Variants in PDCD6IP observed in about 807,000 individuals in gnomAD.
PDCD6IP encodes the protein programmed cell death 6 interacting protein.
PDCD6IP carries 43 observed loss-of-function variants against 103.7 expected under a neutral mutation model. The observed-to-expected ratio is 0.41, with a 90% confidence interval of 0.32 to 0.53. The LOEUF (loss-of-function observed/expected upper bound fraction) is 0.53. Among genes scored for constraint, PDCD6IP ranks in the 20% least tolerant of loss-of-function variants. The pLI, the probability that PDCD6IP is intolerant of heterozygous loss-of-function variation, is 0.16. For synonymous variants in PDCD6IP, 354 were observed against 378.7 expected (o/e 0.93, Z 0.76); for missense variants, 871 against 1,036.7 (o/e 0.84, Z 2.20).
intron 2 of PDCD6IP, 85 bp downstream of exon 2, chr3:33,812,211 T>G (rs2125546541): frequency 6.7e-7 from 1 of 1,488,298 alleles, no homozygotes; most frequent in Non-Finnish European, 8.9e-7. Context: ...TAGAGTTTTA[T>G]GAGATAGTGT....
intron 2 of PDCD6IP, among the ~76,000 whole-genome samples, 186 bp downstream of exon 2, chr3:33,812,312 A>G (rs934583820): frequency 1.3e-5 from 2 of 152,210 alleles, no homozygotes; most frequent in Non-Finnish European, 2.9e-5. Context: ...GTCATTCTTC[A>G]GTCACTTCTG....
chr3:33,851,638 A>AT (rs930296269), intron 12 of PDCD6IP, among the ~76,000 whole-genome samples: 42 of 146,750 alleles, frequency 2.9e-4, no homozygotes, highest in Admixed American at 1.7e-3. Flanking sequence ...CACCCAACTA[A>AT]TTTTTTTTTT....
chr3:33,831,410 G>A (rs966800120), intron 7 of PDCD6IP, among the ~76,000 whole-genome samples: 19 of 152,186 alleles, frequency 1.2e-4, no homozygotes, highest in African/African-American at 4.6e-4. Context: ...TGTCATTATA[G>A]AATACTTGCT....
chr3:33,812,296 G>T (rs912886401), intron 2 of PDCD6IP, among the ~76,000 whole-genome samples, 170 bp downstream of exon 2: 1 of 152,168 alleles, frequency 6.6e-6, no homozygotes, highest in South Asian at 2.1e-4. Context: ...CTGGAATTCT[G>T]TTCATGTCAT....
chr3:33,844,052 T>A, intron 10 of PDCD6IP, 60 bp from the exon 11 acceptor site: 1 of 977,310 alleles, frequency 1.0e-6, no homozygotes, highest in Non-Finnish European at 1.6e-6. Context: ...ATTTATTAAA[T>A]GTATTAAAGT....
chr3:33,813,245 T>C (rs1559774143), intron 2 of PDCD6IP: 3 of 189,522 alleles, frequency 1.6e-5, no homozygotes, highest in Non-Finnish European at 3.2e-5. Flanking sequence ...TTTCCCTTGC[T>C]TCACTTAGCT....
At chr3:33,826,389 C>T (rs553600389) in intron 5 of PDCD6IP, 91 bp from the exon 6 acceptor site, 18 of 779,182 alleles carry the variant, frequency 2.3e-5, no homozygotes, top group Middle Eastern at 3.5e-4. Flanking sequence ...TTTTCAGATG[C>T]GTGTACAAAC....
chr3:33,842,677 T>C (rs1697501582), intron 10 of PDCD6IP, among the ~76,000 whole-genome samples: 1 of 152,158 alleles, frequency 6.6e-6, no homozygotes, highest in Admixed American at 6.5e-5. Context: ...TTTGCAAATT[T>C]AGTGTAGAAA....
At chr3:33,842,226 G>A in intron 10 of PDCD6IP, 152 bp downstream of exon 10, 1 of 524,218 alleles carries the variant, frequency 1.9e-6, no homozygotes, top group Non-Finnish European at 3.5e-6. Context: ...CTTCTCTTTA[G>A]CATAAGAGAA....
rs1248198737 is a variant in PDCD6IP, at chr3:33,798,817, C to T, written c.89C>T (p.Pro30Leu). Reference sequence around the variant, plus strand: ...GTGAAGTTCATCCAGCAGACTTACCCAAGCGGCGGGGAAGAGCAGGCCCAG... The same window carrying T: ...GTGAAGTTCATCCAGCAGACTTACCTAAGCGGCGGGGAAGAGCAGGCCCAG... ...PLVKFIQQTY[P>L]SGGEEQAQYC... Residue 30 changes from proline to leucine, a missense_variant, in exon 1 of 18, where the codon CCA becomes CTA. Transcript: ENST00000307296. The T allele has an allele frequency of 2.6e-6, 4 of 1,565,370 alleles. No individual in the cohort carries two copies. The highest frequency in any genetic ancestry group is 4.8e-5 in the East Asian group (2 of 41,680).
chr3:33,811,178 C>A, intron 1 of PDCD6IP: 1 of 286,424 alleles, frequency 3.5e-6, no homozygotes, highest in Non-Finnish European at 7.3e-6. Flanking sequence ...ATCTGCTGTG[C>A]CTGGCCCTTT....
At chr3:33,837,597 T>C (rs1470310670) in intron 8 of PDCD6IP, among the ~76,000 whole-genome samples, 1 of 152,018 alleles carries the variant, frequency 6.6e-6, no homozygotes, top group Non-Finnish European at 1.5e-5. Context: ...TCAATTTTTT[T>C]TTTTTTTTTG....
At chr3:33,829,157 T>G (rs1405384041) in intron 7 of PDCD6IP, among the ~76,000 whole-genome samples, 188 bp downstream of exon 7, 2 of 152,178 alleles carry the variant, frequency 1.3e-5, no homozygotes, top group Non-Finnish European at 2.9e-5. Flanking sequence ...ATCTAAAAAA[T>G]AGATGCAAAA....
intron 8 of PDCD6IP, 92 bp from the exon 9 acceptor site, chr3:33,838,112 A>C (rs1208945823): frequency 3.5e-6 from 2 of 578,220 alleles, no homozygotes; most frequent in South Asian, 2.9e-5. Flanking sequence ...TTTATAGACT[A>C]TGTGAATATT....
At chr3:33,801,076 A>G (rs1011109146) in intron 1 of PDCD6IP, among the ~76,000 whole-genome samples, 1 of 152,152 alleles carries the variant, frequency 6.6e-6, no homozygotes, top group African/African-American at 2.4e-5. Context: ...TAATTCAACA[A>G]ATATTAAGTA....
chr3:33,814,296 A>G (rs1203993145), intron 3 of PDCD6IP, among the ~76,000 whole-genome samples: 1 of 151,730 alleles, frequency 6.6e-6, no homozygotes, highest in Middle Eastern at 3.2e-3. Context: ...ACCCGCCACC[A>G]CACCTGGGTA....
intron 7 of PDCD6IP, among the ~76,000 whole-genome samples, chr3:33,830,644 G>A (rs887321920): frequency 2.0e-5 from 3 of 152,124 alleles, no homozygotes; most frequent in Non-Finnish European, 2.9e-5. Context: ...GGGAGGTTGA[G>A]GTGGGAGGAT....
In PDCD6IP at chr3:33,798,924, G is replaced by A; in HGVS notation, c.196G>A (p.Glu66Lys). 2 of 1,539,616 alleles carry A rather than the reference G, an allele frequency of 1.3e-6. No homozygotes were observed. The highest frequency in any genetic ancestry group is 1.8e-6 in the Non-Finnish European group (2 of 1,139,174). Residue 66 changes from glutamate to lysine, a missense_variant, in exon 1 of 18, where the codon GAG (glutamate) becomes AAG (lysine). Around this residue, in one of 5 missense-constraint regions of PDCD6IP, gnomAD observed 114 missense variants for 106.7 expected, o/e 1.07. Coordinates refer to ENST00000307296, the MANE Select transcript of PDCD6IP (RefSeq NM_013374.6). ...RPLDKHEGAL[E>K]TLLRYYDQIC... is the part of the protein sequence containing the mutation. ...GCTGGACAAGCACGAGGGCGCGCTC[G>A]AGACGCTCCTGAGGTGGGCGCGGGG...
chr3:33,851,023 C>T (rs1287576722), intron 12 of PDCD6IP, among the ~76,000 whole-genome samples: 2 of 152,014 alleles, frequency 1.3e-5, no homozygotes, highest in Admixed American at 6.5e-5. Context: ...AGGAAATTCA[C>T]CTACATTTAG....
Sources: allele counts gnomAD v4.1 joint callset (sites outside exome capture counted in the v4.1 genomes callset), GRCh38; gene constraint gnomAD v4.1.1; regional missense constraint gnomAD v4.1.1; transcripts MANE v1.5; gene names NCBI Gene and HGNC (gene_info 2026-07-23, HGNC 2026-07-21).